Variants in PCMTD2 observed in about 807,000 individuals in gnomAD.
PCMTD2 encodes the protein protein-L-isoaspartate O-methyltransferase domain-containing protein 2.
A neutral mutation model predicts 33.4 loss-of-function variants in PCMTD2; 16 were observed. The ratio of observed to expected loss-of-function variants is 0.48; its 90% confidence interval spans 0.32 to 0.73. PCMTD2 has a LOEUF of 0.73. PCMTD2 is among the 30% of genes least tolerant of loss of function. The pLI is 0.03. For missense variants in PCMTD2, 374 were observed against 449.9 expected, an observed-to-expected ratio of 0.83 and a Z score of 1.53; for synonymous variants, 161 against 160.8, an observed-to-expected ratio of 1.00 and a Z score of -0.01.
intron 5 of PCMTD2, among the ~76,000 whole-genome samples, chr20:64,270,931 CGT>C (rs1423788854): frequency 4.5e-3 from 5 of 1,100 alleles, no homozygotes; most frequent in Admixed American, 0.012. Flanking sequence ...CGTTGTGATA[CGT>C]ACAATGGTAC....
chr20:64,268,537 A>G (rs183900473), intron 5 of PCMTD2, among the ~76,000 whole-genome samples: 209 of 152,360 alleles, frequency 1.4e-3, no homozygotes, highest in African/African-American at 4.9e-3. Flanking sequence ...CAAACTGAGC[A>G]AGGAACTGAT....
intron 3 of PCMTD2, 47 bp from the exon 4 acceptor site, chr20:64,265,211 G>C: frequency 6.9e-7 from 1 of 1,446,110 alleles, no homozygotes; most frequent in East Asian, 2.3e-5. Flanking sequence ...GTATAGACTT[G>C]TTGCAATGTG....
intron 5 of PCMTD2, 97 bp downstream of exon 5, chr20:64,268,107 T>A: frequency 1.3e-6 from 1 of 768,958 alleles, no homozygotes; most frequent in Non-Finnish European, 1.9e-6. Flanking sequence ...CTTTTGATAT[T>A]AAAAAGCACC....
intron 5 of PCMTD2, among the ~76,000 whole-genome samples, chr20:64,269,248 T>C (rs986241369): frequency 6.6e-6 from 1 of 152,224 alleles, no homozygotes; most frequent in African/African-American, 2.4e-5. Context: ...GAATAACCTT[T>C]TAAGTAACTG....
intron 4 of PCMTD2, chr20:64,265,649 C>G (rs1310571384): frequency 7.4e-6 from 3 of 403,746 alleles, no homozygotes. Flanking sequence ...AAACGCTTTT[C>G]TCCACCTTCC....
rs113928069 is a variant in PCMTD2, at chr20:64,272,863, G to T, written c.707-358G>T. Among the ~76,000 whole-genome samples the T allele has an allele frequency of 2.3e-4, 35 of 152,266 alleles. 1 individual carries two copies. Among genetic ancestry groups the T allele is most frequent in the African/African-American group, 7.9e-4 (33 of 41,550 alleles). ...GACATATTCACTGTATTACTAGTAG[G>T]TGGGTATTAATATACACATGAACAC... On this transcript the variant is annotated intron_variant, in intron 5 of 5. Transcript: ENST00000308824.
intron 2 of PCMTD2, among the ~76,000 whole-genome samples, chr20:64,261,836 A>G (rs1453579384): frequency 1.3e-5 from 2 of 152,216 alleles, no homozygotes; most frequent in African/African-American, 4.8e-5. Context: ...ATTTCCTCCA[A>G]CGTAGCTGAA....
chr20:64,259,941 G>GT lies in PCMTD2; in HGVS notation c.-24dup. ...CTCTTTTTAAACATTTTTAATTATA[G>GT]TATTGCCTAAGTGTAATCTTGAACA... On this transcript the variant is annotated splice_region_variant and 5_prime_UTR_variant. Transcript: ENST00000308824. 1.3e-6 allele frequency: 2 copies of GT among 1,494,880 alleles called. No individual in the cohort carries two copies. The highest frequency in any genetic ancestry group is 1.9e-6 in the Non-Finnish European group (2 of 1,077,616). The allele number at this position is 1,494,880 out of a possible 1,614,324, so 92.6% of individuals were successfully genotyped here.
Position 64,273,758 on chromosome 20 carries a change from C to T in PCMTD2, c.*158C>T. The T allele has an allele frequency of 5.8e-6, 3 of 520,454 alleles. No individual in the cohort carries two copies. The highest frequency in any genetic ancestry group is 9.9e-6 in the Non-Finnish European group (3 of 302,800). The allele number at this position is 520,454 out of a possible 1,614,324, so 32.2% of individuals were successfully genotyped here. On this transcript the variant is annotated 3_prime_UTR_variant, in exon 6 of 6. Transcript: ENST00000308824. ...TGGTTTTCTTCTAGTTCCTGATTGA[C>T]CTCTAAAATTCTATTCAGTTGTATG...
intron 1 of PCMTD2, among the ~76,000 whole-genome samples, chr20:64,259,524 G>T (rs60417583): frequency 0.13 from 20,409 of 151,674 alleles, 1,551 homozygotes; most frequent in Non-Finnish European, 0.18. Context: ...CAGTAGCTGG[G>T]ATTACAGGCA....
At chr20:64,260,714 T>A in intron 2 of PCMTD2, among the ~76,000 whole-genome samples, 1 of 149,012 alleles carries the variant, frequency 6.7e-6, no homozygotes, top group Admixed American at 6.6e-5. Context: ...TGGTTTTTTT[T>A]TTTTTTTTTT....
chr20:64,260,913 C>T (rs564801219), intron 2 of PCMTD2, among the ~76,000 whole-genome samples: 1 of 152,122 alleles, frequency 6.6e-6, no homozygotes, highest in East Asian at 1.9e-4. Context: ...AGGCTGGTCT[C>T]AAACTCCTGG....
intron 1 of PCMTD2, 21 bp from the exon 2 acceptor site, chr20:64,259,921 T>C: frequency 1.5e-6 from 2 of 1,314,696 alleles, no homozygotes; most frequent in Non-Finnish European, 2.2e-6. Flanking sequence ...AATCGCTCTT[T>C]TTAAACATTT....
intron 2 of PCMTD2, among the ~76,000 whole-genome samples, chr20:64,260,681 C>G (rs1030612111): frequency 2.0e-5 from 3 of 148,906 alleles, no homozygotes; most frequent in Non-Finnish European, 4.4e-5. Context: ...TTTCGGAGTA[C>G]TTCTAAGCAG....
At chr20:64,266,287 T>C (rs986123973) in intron 4 of PCMTD2, among the ~76,000 whole-genome samples, 9 of 152,108 alleles carry the variant, frequency 5.9e-5, no homozygotes, top group African/African-American at 1.7e-4. Context: ...AGACAGAGTC[T>C]CGCTCTGTCG....
intron 2 of PCMTD2, among the ~76,000 whole-genome samples, chr20:64,261,987 T>G (rs571852651): frequency 6.6e-6 from 1 of 152,248 alleles, no homozygotes; most frequent in East Asian, 1.9e-4. Flanking sequence ...GCGTGGTGGC[T>G]CACGCCTGTA....
intron 2 of PCMTD2, among the ~76,000 whole-genome samples, chr20:64,263,235 T>A (rs1262456467): frequency 6.6e-6 from 1 of 152,224 alleles, no homozygotes. Flanking sequence ...GGATTTGATG[T>A]TGTAAACAGT....
intron 5 of PCMTD2, chr20:64,272,026 G>A (rs1279608830): frequency 5.6e-6 from 2 of 355,738 alleles, no homozygotes; most frequent in South Asian, 2.1e-5. Context: ...TGAGTGAAGA[G>A]AAAGGACTGA....
At chr20:64,256,886 A>T (rs897906705) in intron 1 of PCMTD2, 1 of 152,244 alleles carries the variant, frequency 6.6e-6, no homozygotes, top group African/African-American at 2.4e-5. Flanking sequence ...GCCCATTAAT[A>T]GTGTACATGT....
Sources: allele counts gnomAD v4.1 joint callset (sites outside exome capture counted in the v4.1 genomes callset), GRCh38; gene constraint gnomAD v4.1.1; transcripts MANE v1.5; gene names NCBI Gene and HGNC (gene_info 2026-07-23, HGNC 2026-07-21).